The following BLTP1 variants were observed in gnomAD, a reference collection of about 807,000 sequenced individuals.
The protein encoded by BLTP1 is bridge-like lipid transfer protein family member 1.
chr4:122,241,271 G>A, the BLTP1 span, among the ~76,000 whole-genome samples: 1 of 152,186 alleles, frequency 6.6e-6, no homozygotes, highest in South Asian at 2.1e-4. Context: ...GAGGGAAAGA[G>A]GTCAGCATGC....
At chr4:122,272,278 T>C in the BLTP1 span, 1 of 1,613,426 alleles carries the variant, frequency 6.2e-7, no homozygotes. Flanking sequence ...CTCAGCATGT[T>C]ACTCTAATAG....
At chr4:122,289,526 C>T in the BLTP1 span, 1 of 984,182 alleles carries the variant, frequency 1.0e-6, no homozygotes. Context: ...AGATTTCAAC[C>T]TTTTGTCTAT....
At chr4:122,154,927 A>G in the BLTP1 span, 5 of 950,870 alleles carry the variant, frequency 5.3e-6, no homozygotes, top group East Asian at 4.6e-4. Context: ...TTTGTTTTTC[A>G]TAGAATATTG....
chr4:122,301,345 C>T, the BLTP1 span: 1 of 1,603,380 alleles, frequency 6.2e-7, no homozygotes, highest in Non-Finnish European at 8.5e-7. Flanking sequence ...GATGGAACAG[C>T]AGATGGAGAT....
chr4:122,254,771 CT>C, the BLTP1 span: 1 of 1,463,196 alleles, frequency 6.8e-7, no homozygotes, highest in Non-Finnish European at 9.1e-7. Flanking sequence ...AATTTTGACA[CT>C]TGTTTTTATA....
At chr4:122,351,983 A>C in the BLTP1 span, among the ~76,000 whole-genome samples, 1 of 152,240 alleles carries the variant, frequency 6.6e-6, no homozygotes, top group Non-Finnish European at 1.5e-5. Flanking sequence ...TCTCAAACTT[A>C]ACATGCATCT....
chr4:122,351,329 C>T, the BLTP1 span: 3 of 489,018 alleles, frequency 6.1e-6, no homozygotes, highest in South Asian at 8.9e-5. Flanking sequence ...TTAGAGCATA[C>T]ACCTCCAGAT....
the BLTP1 span, chr4:122,210,753 CA>C: frequency 9.0e-7 from 1 of 1,110,144 alleles, no homozygotes; most frequent in Non-Finnish European, 1.2e-6. Flanking sequence ...ATTATATATA[CA>C]TTATGTAAAG....
the BLTP1 span, chr4:122,208,596 A>T: frequency 1.0e-6 from 1 of 978,176 alleles, no homozygotes; most frequent in African/African-American, 1.8e-5. Flanking sequence ...ACTGAACTTA[A>T]AAAAAATATC....
the BLTP1 span, among the ~76,000 whole-genome samples, chr4:122,209,600 G>A: frequency 2.6e-5 from 4 of 152,074 alleles, no homozygotes; most frequent in African/African-American, 4.8e-5. Context: ...AGCTAAGATC[G>A]CACCACTGCA....
the BLTP1 span, chr4:122,235,157 C>A: frequency 2.2e-6 from 2 of 890,952 alleles, no homozygotes; most frequent in Non-Finnish European, 3.3e-6. Context: ...TTAGTATAAT[C>A]CACCTTTGTT....
the BLTP1 span, chr4:122,247,428 T>C: frequency 2.6e-6 from 4 of 1,549,026 alleles, no homozygotes; most frequent in Non-Finnish European, 3.5e-6. Context: ...GAAGGGAACA[T>C]GTTTTTTTCC....
chr4:122,224,978 A>G, the BLTP1 span: 4 of 1,071,868 alleles, frequency 3.7e-6, no homozygotes, highest in East Asian at 6.8e-5. Flanking sequence ...AGTCATTAAT[A>G]TATTATTAAA....
chr4:122,163,721 G>C, the BLTP1 span, among the ~76,000 whole-genome samples: 2 of 152,164 alleles, frequency 1.3e-5, no homozygotes, highest in Non-Finnish European at 2.9e-5. Flanking sequence ...AGTACAGAGA[G>C]GTTAGGTATT....
the BLTP1 span, among the ~76,000 whole-genome samples, chr4:122,330,217 G>A: frequency 2.6e-5 from 4 of 151,762 alleles, no homozygotes; most frequent in Non-Finnish European, 4.4e-5. Flanking sequence ...TTGAGATCCC[G>A]ATTTCAATTC....
the BLTP1 span, chr4:122,334,457 A>C: frequency 6.2e-7 from 1 of 1,612,984 alleles, no homozygotes; most frequent in South Asian, 1.1e-5. Flanking sequence ...AAGATAGTGC[A>C]ACATCTCCTC....
the BLTP1 span, among the ~76,000 whole-genome samples, chr4:122,257,706 C>G: frequency 6.6e-6 from 1 of 152,102 alleles, no homozygotes; most frequent in African/African-American, 2.4e-5. Flanking sequence ...ATATTACATA[C>G]TTGTTAATAT....
the BLTP1 span, chr4:122,313,521 T>G: frequency 7.0e-6 from 5 of 715,252 alleles, no homozygotes; most frequent in Admixed American, 3.1e-5. Context: ...AGGATAGTAA[T>G]CCTCTTTGTA....
At chr4:122,325,646 C>T in the BLTP1 span, 18 of 1,073,482 alleles carry the variant, frequency 1.7e-5, 1 homozygote, top group Middle Eastern at 4.1e-4. Context: ...CAAATGTAAA[C>T]GTGGAATATT....
Sources: allele counts gnomAD v4.1 joint callset (sites outside exome capture counted in the v4.1 genomes callset), GRCh38; gene constraint gnomAD v4.1.1; transcripts MANE v1.5; gene names NCBI Gene and HGNC (gene_info 2026-07-23, HGNC 2026-07-21).